Variants in ANKRD27 observed in about 807,000 individuals in gnomAD.
ANKRD27 encodes ankyrin repeat domain 27, also known as ankyrin repeat domain-containing protein 27.
Under a neutral mutation model 129.7 loss-of-function variants are expected in ANKRD27, and 112 were observed. That is an observed-to-expected ratio of 0.86 (90% CI 0.74 to 1.01). ANKRD27 has a LOEUF of 1.01. Ranked by LOEUF, ANKRD27 falls within the 50% of genes least tolerant of loss-of-function variation. The probability of loss-of-function intolerance (pLI) is 0.00; values close to 1 mark genes in which losing one functional copy is unlikely to be tolerated. For missense variants in ANKRD27, 1,258 were observed against 1,300.5 expected, an observed-to-expected ratio of 0.97 and a Z score of 0.50; for synonymous variants, 516 against 511.2, an observed-to-expected ratio of 1.01 and a Z score of -0.13.
intron 1 of ANKRD27, chr19:32,673,029 C>T (rs1967903124): frequency 6.6e-6 from 1 of 152,262 alleles, no homozygotes; most frequent in South Asian, 2.1e-4. Flanking sequence ...GGGCAGATGC[C>T]ACAGAAACCT....
At chr19:32,625,435 CTTTT>C (rs34165165) in intron 17 of ANKRD27, among the ~76,000 whole-genome samples, 4 of 133,286 alleles carry the variant, frequency 3.0e-5, no homozygotes, top group Non-Finnish European at 4.9e-5. Flanking sequence ...TAAACATTCT[CTTTT>C]TTTTTTTTTT....
rs766171138 is a variant in ANKRD27 at position 32,658,954 on chromosome 19, CG to C, written c.61del (p.Arg21AlafsTer16). ...GGCCACTTTGCTGCACAAGTCAGGG[CG>C]GCACTTTTGCAGAGCCAGATAGAAA... ...NPFYLALQKC[R>X]PDLCSKVAQI... is the part of the protein sequence containing the mutation. On this transcript the variant is annotated frameshift_variant, in exon 2 of 29. Coordinates refer to ENST00000306065, the MANE Select transcript of ANKRD27 (RefSeq NM_032139.3). LOFTEE classifies it high-confidence loss of function. 1.9e-6 allele frequency: 3 copies of C among 1,614,022 alleles called. No individual in the cohort carries two copies. The highest frequency in any genetic ancestry group is 2.5e-6 in the Non-Finnish European group (3 of 1,180,016).
At chr19:32,652,408 G>A (rs1399810414) in intron 2 of ANKRD27, among the ~76,000 whole-genome samples, 2 of 151,862 alleles carry the variant, frequency 1.3e-5, no homozygotes, top group South Asian at 2.1e-4. Context: ...TGGCCAATAC[G>A]GTGAAACCAC....
chr19:32,640,920 A>G (rs907658193), intron 10 of ANKRD27, among the ~76,000 whole-genome samples: 1 of 151,878 alleles, frequency 6.6e-6, no homozygotes, highest in Non-Finnish European at 1.5e-5. Context: ...TGTTTTTGAA[A>G]CGGAGTCTCG....
intron 12 of ANKRD27, among the ~76,000 whole-genome samples, chr19:32,634,620 T>C (rs571160967): frequency 1.1e-4 from 17 of 152,140 alleles, no homozygotes; most frequent in South Asian, 4.1e-4. Context: ...TCTGAGCCTA[T>C]AGGAGTGGAC....
At chr19:32,630,917 C>G (rs1487885499) in intron 13 of ANKRD27, among the ~76,000 whole-genome samples, 1 of 152,116 alleles carries the variant, frequency 6.6e-6, no homozygotes, top group Non-Finnish European at 1.5e-5. Flanking sequence ...CAGAAGTAAG[C>G]CACCCCACCT....
At position 32,619,271 on chromosome 19, in the gene ANKRD27, C is replaced by T. The variant is rs1332859329; in HGVS notation, c.1996G>A (p.Asp666Asn). ...ASSRQEETKK[D>N]YREVEKLLRA... The stretch of plus-strand genomic sequence containing the variant: ...TCTGGAAGCCTCACCTCTCTGTAGT[C>T]CTTCTTGGTCTCCTCCTGCCTTGAG... The change falls in exon 20 of 29, where the codon GAC becomes AAC. Residue 666 changes from aspartate to asparagine, a missense_variant. By Grantham distance (23) the Asp-to-Asn change is conservative. Coordinates refer to ENST00000306065, the MANE Select transcript of ANKRD27 (RefSeq NM_032139.3). 1 of 1,613,160 alleles carries T rather than the reference C, an allele frequency of 6.2e-7. No homozygotes were observed. Among genetic ancestry groups the T allele is most frequent in the Non-Finnish European group, 8.5e-7 (1 of 1,179,692 alleles).
chr19:32,635,573 G>A (rs1967073654), intron 12 of ANKRD27, among the ~76,000 whole-genome samples: 1 of 152,126 alleles, frequency 6.6e-6, no homozygotes, highest in African/African-American at 2.4e-5. Context: ...CCAGAGTGCT[G>A]GGATTATAGG....
chr19:32,619,466 C>T (rs1436786445), intron 19 of ANKRD27, 28 bp downstream of exon 19: 2 of 1,614,040 alleles, frequency 1.2e-6, no homozygotes, highest in South Asian at 2.2e-5. Context: ...TCCAAGGTAA[C>T]CTGACCTGCT....
intron 12 of ANKRD27, chr19:32,638,916 C>T: frequency 4.2e-6 from 1 of 237,676 alleles, no homozygotes; most frequent in Non-Finnish European, 8.0e-6. Context: ...GCGCAGCCTG[C>T]CAGGCCAAGA....
chr19:32,612,832 T>C (rs1245762054), intron 22 of ANKRD27, among the ~76,000 whole-genome samples: 1 of 152,120 alleles, frequency 6.6e-6, no homozygotes, highest in African/African-American at 2.4e-5. Flanking sequence ...AACTATAAAA[T>C]ATAAAATTAT....
At chr19:32,609,673 T>TG (rs892289517) in intron 22 of ANKRD27, among the ~76,000 whole-genome samples, 1 of 91,954 alleles carries the variant, frequency 1.1e-5, no homozygotes, top group Admixed American at 1.1e-4. Flanking sequence ...GGGGTCATAG[T>TG]GGGGGGGAAG....
chr19:32,597,081 A>G lies in ANKRD27; in HGVS notation c.*1064T>C, dbSNP rs1971580218. 6.6e-6 allele frequency: 1 copy of G among 152,578 alleles called. No homozygotes were observed. Among genetic ancestry groups the G allele is most frequent in the South Asian group, 2.1e-4 (1 of 4,830 alleles). The allele number at this position is 152,578 out of a possible 1,614,324, so 9.5% of individuals were successfully genotyped here. A position where few individuals can be genotyped will look rare whatever the true frequency, so the allele number is the denominator to read the frequency against. ...AAGGCACATTAGAAAATTAGAAATC[A>G]TAAATTACTTTGTAGAAAAATAATC... is the stretch of plus-strand genomic sequence containing the variant. On this transcript the variant is annotated 3_prime_UTR_variant, in exon 29 of 29. Coordinates refer to ENST00000306065, the MANE Select transcript of ANKRD27 (RefSeq NM_032139.3).
At chr19:32,647,309 T>C (rs1443541178) in intron 3 of ANKRD27, among the ~76,000 whole-genome samples, 4 of 152,252 alleles carry the variant, frequency 2.6e-5, no homozygotes, top group East Asian at 3.8e-4. Context: ...ACGTTTCTGA[T>C]AGGAATGCCC....
chr19:32,613,411 T>C (rs778663541), intron 22 of ANKRD27, among the ~76,000 whole-genome samples: 9 of 152,228 alleles, frequency 5.9e-5, no homozygotes, highest in Non-Finnish European at 1.0e-4. Flanking sequence ...GCAATGACCA[T>C]ATGACTCCAC....
Position 32,598,378 on chromosome 19 carries a change from G to C in ANKRD27, c.2920C>G (p.Pro974Ala). Residue 974 changes from proline (P) to alanine (A), a missense_variant and splice_region_variant, in exon 29 of 29, where the codon CCA becomes GCA. Physicochemically the swap from Pro to Ala is conservative, Grantham distance 27 (BLOSUM62 -1). Coordinates refer to ENST00000306065, the MANE Select transcript of ANKRD27 (RefSeq NM_032139.3). ...CTCAGTGTGACACTTTGCCTCCCTG[G>C]CTAAAGAAAAAGTACATTTTTAACC... ...PNLTEGSLHE[P>A]GRQSVTLRQN... The C allele has an allele frequency of 6.2e-7, 1 of 1,614,008 alleles. No homozygotes were observed. Among genetic ancestry groups the C allele is most frequent in the Non-Finnish European group, 8.5e-7 (1 of 1,179,924 alleles).
chr19:32,670,294 T>C (rs1037215737), intron 1 of ANKRD27, among the ~76,000 whole-genome samples: 2 of 152,120 alleles, frequency 1.3e-5, no homozygotes, highest in South Asian at 2.1e-4. Context: ...TGTCCAGGAG[T>C]AGGGATTCAA....
intron 1 of ANKRD27, 94 bp from the exon 2 acceptor site, chr19:32,659,139 CTTTTTTT>C (rs35323163): frequency 7.1e-6 from 1 of 141,022 alleles, no homozygotes; most frequent in East Asian, 9.7e-5. Context: ...TTTTCTTTTT[CTTTTTTT>C]TTTTTTTTTT....
In ANKRD27 at chr19:32,622,371, C is replaced by T. The variant is rs1972023294; in HGVS notation, c.1827+51G>A. Reference sequence around the variant, plus strand: ...AGTAGGCCAAGACCTAAGCTACGGACATCGATCTTCTTTCGAAGTCATCTT... The same window carrying T: ...AGTAGGCCAAGACCTAAGCTACGGATATCGATCTTCTTTCGAAGTCATCTT... On this transcript the variant is annotated intron_variant, in intron 18 of 28. Transcript: ENST00000306065. 7 of 1,595,684 alleles carry T rather than the reference C, an allele frequency of 4.4e-6. No homozygotes were observed. In the East Asian group the frequency reaches 1.3e-4, roughly 31 times the overall value.
Sources: gnomAD v4.1 joint callset for allele counts (sites outside exome capture counted in the v4.1 genomes callset) on GRCh38, gnomAD v4.1.1 for gene constraint, MANE v1.5 for transcripts, NCBI Gene and HGNC (gene_info 2026-07-23, HGNC 2026-07-21) for gene names.